CAPN10: variants seen among roughly 807,000 people sequenced by gnomAD.
CAPN10 encodes calpain 10, also known as calpain-10.
CAPN10 carries 71 observed loss-of-function variants against 78.4 expected under a neutral mutation model. That is an observed-to-expected ratio of 0.91 (90% confidence interval 0.75 to 1.10). The LOEUF (loss-of-function observed/expected upper bound fraction) is 1.10. CAPN10 is among the 50% of genes least tolerant of loss of function. The probability of loss-of-function intolerance (pLI) is 0.00; values close to 1 mark genes in which losing one functional copy is unlikely to be tolerated. For missense variants in CAPN10, 849 were observed against 924.6 expected, an observed-to-expected ratio of 0.92 and a Z score of 1.06; for synonymous variants, 437 against 407.2, an observed-to-expected ratio of 1.07 and a Z score of -0.88.
At chr2:240,597,863 C>T (rs1559427665) in intron 9 of CAPN10, 25 bp from the exon 10 acceptor site, 2 of 1,560,416 alleles carry the variant, frequency 1.3e-6, no homozygotes, top group Non-Finnish European at 1.7e-6. Context: ...CTGGCCCCCT[C>T]AGTCTGAGCC....
intron 2 of CAPN10, 179 bp from the exon 3 acceptor site, chr2:240,590,636 C>G: frequency 3.4e-6 from 2 of 588,824 alleles, no homozygotes; most frequent in East Asian, 2.8e-5. Context: ...GTAGAGTTCT[C>G]TGCGACATCC....
chr2:240,595,563 G>A (rs1406850018), intron 7 of CAPN10, among the ~76,000 whole-genome samples: 3 of 152,228 alleles, frequency 2.0e-5, no homozygotes, highest in Non-Finnish European at 2.9e-5. Context: ...TGCAGCCAGG[G>A]CAGGACCCGC....
chr2:240,595,480 C>T (rs1260813300), intron 7 of CAPN10, 176 bp downstream of exon 7: 2 of 662,966 alleles, frequency 3.0e-6, no homozygotes, highest in South Asian at 1.9e-5. Context: ...CTCCCAGACC[C>T]GGCTCTGACC....
At chr2:240,592,333 A>G (rs2093107848) in intron 4 of CAPN10, 183 bp downstream of exon 4, 2 of 671,034 alleles carry the variant, frequency 3.0e-6, no homozygotes, top group Middle Eastern at 4.9e-4. Flanking sequence ...GTCCTCTTCC[A>G]GAGGGACGTG....
rs969339815 is a variant in CAPN10 at position 240,595,418 on chromosome 2, C to T, written c.1278+114C>T. ...ACACATGTGACTCTGCCACGGGCCC[C>T]ACCAGTCTCCCCCCTCCTTGGGCTG... On this transcript the variant is annotated intron_variant, in intron 7 of 11. Transcript: ENST00000391984. The T allele has an allele frequency of 4.4e-6, 5 of 1,143,574 alleles. No homozygotes were observed. In the African/African-American group the frequency reaches 7.6e-5, roughly 17 times the overall value. The allele number at this position is 1,143,574 out of a possible 1,614,324, so 70.8% of individuals were successfully genotyped here. A position where few individuals can be genotyped will look rare whatever the true frequency, so the allele number is the denominator to read the frequency against.
At position 240,586,875 on chromosome 2, in the gene CAPN10, G is replaced by C; in HGVS notation, c.-37G>C. The C allele has an allele frequency of 7.4e-7, 1 of 1,351,322 alleles. No individual in the cohort carries two copies. Among genetic ancestry groups the C allele is most frequent in the South Asian group, 1.8e-5 (1 of 55,882 alleles). The allele number at this position is 1,351,322 out of a possible 1,614,324, so 83.7% of individuals were successfully genotyped here. On this transcript the variant is annotated 5_prime_UTR_variant, in exon 1 of 12. Transcript: ENST00000391984. ...CTTCTCTCCGGGGCTGCGACCCCGA[G>C]GCAACCGGCTGCAGATGGGAGCCCG... is the stretch of plus-strand genomic sequence containing the variant.
chr2:240,593,191 G>A (rs1012348729), intron 4 of CAPN10, among the ~76,000 whole-genome samples: 1 of 152,226 alleles, frequency 6.6e-6, no homozygotes, highest in African/African-American at 2.4e-5. Flanking sequence ...CCAGGGTGGG[G>A]TAGCGCTAAG....
chr2:240,596,596 C>T (rs2093138359), intron 8 of CAPN10, 75 bp downstream of exon 8: 8 of 1,538,684 alleles, frequency 5.2e-6, no homozygotes, highest in Non-Finnish European at 7.0e-6. Flanking sequence ...GGCACTTTCC[C>T]TCTGTGGTTG....
intron 6 of CAPN10, 86 bp downstream of exon 6, chr2:240,594,795 G>T (rs2093125576): frequency 9.0e-7 from 1 of 1,116,848 alleles, no homozygotes; most frequent in Non-Finnish European, 1.2e-6. Flanking sequence ...CCCCTGCCCA[G>T]GCCCAGTTTG....
rs1350218412 is a variant in CAPN10 at position 240,596,436 on chromosome 2, T to G, written c.1396T>G (p.Tyr466Asp). The change falls in exon 8 of 12, where the codon TAC becomes GAC. Residue 466 changes from tyrosine (Y) to aspartate (D), a missense_variant. Physicochemically the swap from Tyr to Asp is radical, Grantham distance 160. Transcript: ENST00000391984. ...GCGTTGTGAGCTCTCACCGGGCTAC[T>G]ACCTGGCTGTCCCCAGCACCTTCCT... is the stretch of plus-strand genomic sequence containing the variant. Reference protein sequence around the residue: ...HLRCELSPGYYLAVPSTFLKD... With the variant: ...HLRCELSPGYDLAVPSTFLKD... 2 of 1,613,700 alleles carry G rather than the reference T, an allele frequency of 1.2e-6. No homozygotes were observed. The highest frequency in any genetic ancestry group is 3.3e-5 in the Admixed American group (2 of 60,012).
At chr2:240,596,593 T>G (rs2093138344) in intron 8 of CAPN10, 72 bp downstream of exon 8, 2 of 1,539,486 alleles carry the variant, frequency 1.3e-6, no homozygotes, top group East Asian at 2.3e-5. Flanking sequence ...TTGGGCACTT[T>G]CCCTCTGTGG....
At chr2:240,589,580 C>G in intron 2 of CAPN10, 106 bp downstream of exon 2, 1 of 1,375,334 alleles carries the variant, frequency 7.3e-7, no homozygotes, top group Non-Finnish European at 9.8e-7. Context: ...GTGCCGCAGC[C>G]GGATCTCCTG....
rs139462940 is a variant in CAPN10, at chr2:240,589,370, C to A, written c.169C>A (p.Pro57Thr). Residue 57 changes from proline to threonine, a missense_variant, in exon 2 of 12, where the codon CCA (proline) becomes ACA (threonine). Physicochemically the swap from Pro to Thr is conservative, Grantham distance 38. Transcript: ENST00000391984. ...QEICATPRLF[P>T]DDPREGQVKQ... Reference sequence around the variant, plus strand: ...GATTTGTGCCACACCCCGGCTGTTTCCAGATGACCCACGGGAAGGGCAGGT... The same window carrying A: ...GATTTGTGCCACACCCCGGCTGTTTACAGATGACCCACGGGAAGGGCAGGT... 3 of 1,614,034 alleles carry A rather than the reference C, an allele frequency of 1.9e-6. No individual in the cohort carries two copies. Among genetic ancestry groups the A allele is most frequent in the Non-Finnish European group, 2.5e-6 (3 of 1,180,030 alleles).
chr2:240,590,534 G>A, intron 2 of CAPN10: 1 of 388,642 alleles, frequency 2.6e-6, no homozygotes, highest in Non-Finnish European at 4.7e-6. Context: ...GGGTGATGCA[G>A]CCCTGTGCAG....
At chr2:240,588,200 C>G (rs1175963062) in intron 1 of CAPN10, among the ~76,000 whole-genome samples, 1 of 152,148 alleles carries the variant, frequency 6.6e-6, no homozygotes, top group African/African-American at 2.4e-5. Context: ...GCTCTCACGT[C>G]TTCAGGTGGA....
rs535677546 is a variant in CAPN10, at chr2:240,586,835, C to T, written c.-77C>T. On this transcript the variant is annotated 5_prime_UTR_variant, in exon 1 of 12. Coordinates refer to ENST00000391984, the MANE Select transcript of CAPN10 (RefSeq NM_023083.4). ...AACGGGCGGGGCGGGCCGGAGGCGG[C>T]GGCGGCTGACTCGCCTTCTCTCCGG... The T allele has an allele frequency of 2.5e-4, 313 of 1,263,450 alleles. No homozygotes were observed. In the African/African-American group the frequency reaches 2.7e-3, roughly 11 times the overall value. The allele number at this position is 1,263,450 out of a possible 1,614,324, so 78.3% of individuals were successfully genotyped here. A position where few individuals can be genotyped will look rare whatever the true frequency, so the allele number is the denominator to read the frequency against.
intron 1 of CAPN10, among the ~76,000 whole-genome samples, chr2:240,588,108 T>G (rs918036068): frequency 2.0e-5 from 3 of 152,120 alleles, no homozygotes; most frequent in Non-Finnish European, 2.9e-5. Flanking sequence ...GGGATCAACA[T>G]GCCTTCTGGG....
Position 240,591,862 on chromosome 2 carries a change from G to T in CAPN10, c.471-71G>T, listed in dbSNP as rs2093103756. ...CGGTTGGACGATTTGGGGTGCTACAGACCATGGGAATCAGAGAGGGGGCCA... is the reference window on the plus strand; with the variant it reads ...CGGTTGGACGATTTGGGGTGCTACATACCATGGGAATCAGAGAGGGGGCCA... On this transcript the variant is annotated intron_variant, in intron 3 of 11. Transcript: ENST00000391984. 3 of 1,404,684 alleles carry T rather than the reference G, an allele frequency of 2.1e-6. No homozygotes were observed. In the South Asian group the frequency reaches 3.7e-5, roughly 17 times the overall value. The allele number at this position is 1,404,684 out of a possible 1,614,324, so 87.0% of individuals were successfully genotyped here.
intron 5 of CAPN10, 28 bp from the exon 6 acceptor site, chr2:240,594,515 G>A: frequency 1.3e-6 from 2 of 1,599,392 alleles, no homozygotes; most frequent in Non-Finnish European, 1.7e-6. Context: ...CTCGGGAGGG[G>A]CTTCTGCTGA....
Sources: gnomAD v4.1 joint callset for allele counts (sites outside exome capture counted in the v4.1 genomes callset) on GRCh38, gnomAD v4.1.1 for gene constraint, MANE v1.5 for transcripts, NCBI Gene and HGNC (gene_info 2026-07-23, HGNC 2026-07-21) for gene names.